DNAH1: variants seen among roughly 807,000 people sequenced by gnomAD.
DNAH1 encodes dynein axonemal heavy chain 1.
Under a neutral mutation model 484.3 loss-of-function variants are expected in DNAH1, and 327 were observed. That is an observed-to-expected ratio of 0.68 (90% confidence interval 0.62 to 0.74). DNAH1 has a LOEUF of 0.74. DNAH1 is among the 30% of genes least tolerant of loss of function. The probability of loss-of-function intolerance (pLI) is 0.00; values close to 1 mark genes in which losing one functional copy is unlikely to be tolerated. For synonymous variants in DNAH1, 2,192 were observed against 2,191.9 expected (o/e 1.00, Z 0.00); for missense variants, 5,052 against 5,546.8 (o/e 0.91, Z 2.83).
In DNAH1 at chr3:52,349,077, C is replaced by G. The variant is rs763470361; in HGVS notation, c.2296C>G (p.Leu766Val). 1.2e-6 allele frequency: 2 copies of G among 1,613,074 alleles called. No individual in the cohort carries two copies. Among genetic ancestry groups the G allele is most frequent in the Admixed American group, 3.3e-5 (2 of 60,034 alleles). Reference protein sequence around the residue: ...ELNNNDIASFLKTYQTQGLLA... With the variant: ...ELNNNDIASFVKTYQTQGLLA... ...GAACAACAATGACATTGCCTCCTTTCTCAAGTGCGTACGTGTGCCCATGCA... is the reference window on the plus strand; with the variant it reads ...GAACAACAATGACATTGCCTCCTTTGTCAAGTGCGTACGTGTGCCCATGCA... The change falls in exon 13 of 78, where the codon CTC (leucine) becomes GTC (valine). Residue 766 changes from leucine to valine, a missense_variant. This residue lies in a region of DNAH1 where 1,263 missense variants were observed against 1,218.8 expected (regional missense o/e 1.04). Transcript: ENST00000420323.
Position 52,366,899 on chromosome 3 carries a change from C to T in DNAH1, c.5765+12C>T. 1.3e-6 allele frequency: 2 copies of T among 1,598,986 alleles called. No homozygotes were observed. Among genetic ancestry groups the T allele is most frequent in the South Asian group, 2.2e-5 (2 of 89,946 alleles). On this transcript the variant is annotated intron_variant, in intron 36 of 77. Coordinates refer to ENST00000420323, the MANE Select transcript of DNAH1 (RefSeq NM_015512.5). ...CTCACCCATGAGTGGTGAGTGACCC[C>T]CCAGCCTCACCGGTGACCCCCTGCT...
rs200747486 is a variant in DNAH1, at chr3:52,391,189, A to G, written c.9752A>G (p.Asn3251Ser). Residue 3251 changes from asparagine (N) to serine (S), a missense_variant, in exon 62 of 78, where the codon AAT becomes AGT. This residue lies in a region of DNAH1 where 2,929 missense variants were observed against 3,409.4 expected (regional missense o/e 0.86). Coordinates refer to ENST00000420323, the MANE Select transcript of DNAH1 (RefSeq NM_015512.5). ...CCCCTTCCCTTACAGGAGAAGGACAATGGGCTGGATGTGTTCAAGTTGAGT... is the reference window on the plus strand; with the variant it reads ...CCCCTTCCCTTACAGGAGAAGGACAGTGGGCTGGATGTGTTCAAGTTGAGT... ...NKWIKNMEKD[N>S]GLDVFKLSDR... 1.8e-5 allele frequency: 29 copies of G among 1,613,898 alleles called. No individual in the cohort carries two copies. In the East Asian group the frequency reaches 2.0e-4, roughly 11 times the overall value.
chr3:52,380,136 G>A lies in DNAH1; in HGVS notation c.7608+1G>A, dbSNP rs1365545849. 6.3e-7 allele frequency: 1 copy of A among 1,586,024 alleles called. No homozygotes were observed. The highest frequency in any genetic ancestry group is 2.3e-5 in the East Asian group (1 of 43,326). The stretch of plus-strand genomic sequence containing the variant: ...CGAGCTCATCACCAGTGAGAGTAAG[G>A]TGAGGGGCCCAGGCAGGCGCCCTGC... On this transcript the variant is annotated splice_donor_variant, in intron 48 of 77. Coordinates refer to ENST00000420323, the MANE Select transcript of DNAH1 (RefSeq NM_015512.5). LOFTEE classifies it high-confidence loss of function.
chr3:52,394,609 G>C lies in DNAH1; in HGVS notation c.10771G>C (p.Val3591Leu), dbSNP rs755963386. ...CTTTTCCTCCTTCTCTTCCGACTTC[G>C]TGAAGCACCTCTCAGAATTCCGGGT... ...PTFSSFSSDF[V>L]KHLSEFRVIF... The change falls in exon 67 of 78, where the codon GTG (valine) becomes CTG (leucine). Residue 3591 changes from valine to leucine, a missense_variant. Val to Leu is a conservative substitution (Grantham distance 32, BLOSUM62 1). Transcript: ENST00000420323. 11 of 1,602,006 alleles carry C rather than the reference G, an allele frequency of 6.9e-6. No homozygotes were observed. In the Admixed American group the frequency reaches 1.9e-4, roughly 27 times the overall value.
chr3:52,399,635 C>T lies in DNAH1; in HGVS notation c.12532C>T (p.Pro4178Ser), dbSNP rs1287686021. The change falls in exon 77 of 78, where the codon CCA (proline) becomes TCA (serine). Residue 4178 changes from proline to serine, a missense_variant. Pro to Ser is a moderately conservative substitution (Grantham distance 74). Coordinates refer to ENST00000420323, the MANE Select transcript of DNAH1 (RefSeq NM_015512.5). Reference protein sequence around the residue: ...GLFLEGARWDPEAFQLAESQP... With the variant: ...GLFLEGARWDSEAFQLAESQP... ...ATTCCTGGAAGGTGCCCGCTGGGATCCAGAGGCCTTCCAGCTGGCTGAGTC... is the reference window on the plus strand; with the variant it reads ...ATTCCTGGAAGGTGCCCGCTGGGATTCAGAGGCCTTCCAGCTGGCTGAGTC... The T allele has an allele frequency of 2.5e-6, 4 of 1,613,862 alleles. No homozygotes were observed. Among genetic ancestry groups the T allele is most frequent in the Admixed American group, 3.3e-5 (2 of 59,994 alleles).
In DNAH1 at chr3:52,358,544, T is replaced by G. The variant is rs752090488; in HGVS notation, c.4087-14T>G. On this transcript the variant is annotated splice_polypyrimidine_tract_variant and intron_variant, in intron 24 of 77. Coordinates refer to ENST00000420323, the MANE Select transcript of DNAH1 (RefSeq NM_015512.5). This position sits in a 1 kb window ranked among gnomAD's most constrained non-coding sequence, Gnocchi z 4.2. ...ACCAGGGTGACCCCACTCCTGCTCCTCCACTGCTTGCAGCTGCTATTCCAG... is the reference window on the plus strand; with the variant it reads ...ACCAGGGTGACCCCACTCCTGCTCCGCCACTGCTTGCAGCTGCTATTCCAG... 2 of 1,596,112 alleles carry G rather than the reference T, an allele frequency of 1.3e-6. No individual in the cohort carries two copies. Among genetic ancestry groups the G allele is most frequent in the Non-Finnish European group, 1.7e-6 (2 of 1,171,778 alleles).
chr3:52,373,081 G>A (rs1484459940), intron 44 of DNAH1, 28 bp downstream of exon 44: 2 of 1,595,544 alleles, frequency 1.3e-6, no homozygotes, highest in Admixed American at 1.7e-5. Flanking sequence ...GGCTCACAGG[G>A]CAAGGGCTAC....
At chr3:52,319,751 A>G (rs1487576268) in intron 1 of DNAH1, among the ~76,000 whole-genome samples, 10 of 152,196 alleles carry the variant, frequency 6.6e-5, no homozygotes, top group Non-Finnish European at 1.5e-4. Flanking sequence ...TCCTGAGTAT[A>G]CTGGTAATGC....
chr3:52,374,012 T>C (rs1374594190), intron 44 of DNAH1: 3 of 1,053,766 alleles, frequency 2.8e-6, no homozygotes, highest in Admixed American at 3.7e-5. Context: ...AGATTTCCAA[T>C]CTAATATAGC....
chr3:52,399,312 T>G (rs1476656966), intron 76 of DNAH1, 111 bp downstream of exon 76: 1 of 1,196,994 alleles, frequency 8.4e-7, no homozygotes, highest in Non-Finnish European at 1.2e-6. Context: ...AGCCAGGGCA[T>G]GGAAAGACCC....
At chr3:52,342,611 G>A (rs1701979481) in intron 8 of DNAH1, among the ~76,000 whole-genome samples, 1 of 152,234 alleles carries the variant, frequency 6.6e-6, no homozygotes, top group African/African-American at 2.4e-5. Flanking sequence ...AGGATCAGGT[G>A]CAGGGGTCAC....
chr3:52,349,806 A>G (rs1223354820), intron 14 of DNAH1, among the ~76,000 whole-genome samples, 183 bp from the exon 15 acceptor site: 1 of 152,158 alleles, frequency 6.6e-6, no homozygotes, highest in African/African-American at 2.4e-5. Context: ...CCCTTGCCCC[A>G]CTGACAGTCC....
Position 52,352,681 on chromosome 3 carries a change from C to T in DNAH1, c.3001C>T (p.Arg1001Cys), listed in dbSNP as rs923937332. Reference sequence around the variant, plus strand: ...GGCCATGCTCTACAACAACCGCGAGCGCATCTTCAGCTTGCCCATCACCAA... The same window carrying T: ...GGCCATGCTCTACAACAACCGCGAGTGCATCTTCAGCTTGCCCATCACCAA... ...QLAMLYNNRE[R>C]IFSLPITNYD... Residue 1001 changes from arginine to cysteine, a missense_variant, in exon 18 of 78, where the codon CGC becomes TGC. Around this residue, in one of 4 missense-constraint regions of DNAH1, gnomAD observed 2,929 missense variants for 3,409.4 expected, o/e 0.86. Transcript: ENST00000420323. 17 of 1,612,530 alleles carry T rather than the reference C, an allele frequency of 1.1e-5. No homozygotes were observed. The highest frequency in any genetic ancestry group is 8.3e-5 in the Admixed American group (5 of 59,918).
At chr3:52,390,657 C>T (rs1704330742) in intron 60 of DNAH1, among the ~76,000 whole-genome samples, 1 of 152,166 alleles carries the variant, frequency 6.6e-6, no homozygotes, top group East Asian at 1.9e-4. Context: ...GCCTTTCTGT[C>T]TGTGGGTTTC....
upstream of DNAH1, among the ~76,000 whole-genome samples, chr3:52,312,018 G>GCAGGCCCTGCCCATCCT (rs1418406304): frequency 1.3e-5 from 2 of 152,230 alleles, no homozygotes; most frequent in African/African-American, 4.8e-5. Flanking sequence ...CCTCCCCAGG[G>GCAGGCCCTGCCCATCCT]CAGGCCCTGC....
chr3:52,373,186 G>A, intron 44 of DNAH1, 133 bp downstream of exon 44: 2 of 1,265,720 alleles, frequency 1.6e-6, no homozygotes, highest in South Asian at 3.3e-5. Context: ...AAAATTAAAG[G>A]GGAGGAGGGG....
chr3:52,385,563 C>T (rs1309689829), intron 54 of DNAH1, 116 bp downstream of exon 54: 3 of 772,274 alleles, frequency 3.9e-6, no homozygotes, highest in Non-Finnish European at 4.3e-6. Flanking sequence ...CCTCCGTGTG[C>T]CCCAGCTTCC....
Position 52,332,341 on chromosome 3 carries a change from G to A in DNAH1, c.1233G>A (p.Leu411=). Residue 411 remains leucine, a synonymous_variant, in exon 8 of 78, where the codon CTG becomes CTA. Coordinates refer to ENST00000420323, the MANE Select transcript of DNAH1 (RefSeq NM_015512.5). ...DGQHVISEQS[L]SKIKQWALST... ...AGCATGTCATCAGTGAACAGAGCCT[G>A]AGCAAGATCAAGCAGTGGGCCCTGA... The A allele has an allele frequency of 6.2e-7, 1 of 1,614,012 alleles. No individual in the cohort carries two copies. Among genetic ancestry groups the A allele is most frequent in the Non-Finnish European group, 8.5e-7 (1 of 1,179,906 alleles).
chr3:52,383,792 C>T lies in DNAH1; in HGVS notation c.8151-68C>T, dbSNP rs376524223. 1.4e-5 allele frequency: 21 copies of T among 1,504,574 alleles called. No individual in the cohort carries two copies. The African/African-American group carries it at 2.4e-4, about 17-fold the overall frequency. The allele number at this position is 1,504,574 out of a possible 1,614,324, so 93.2% of individuals were successfully genotyped here. A position where few individuals can be genotyped will look rare whatever the true frequency, so the allele number is the denominator to read the frequency against. On this transcript the variant is annotated intron_variant, in intron 51 of 77. Transcript: ENST00000420323. Reference sequence around the variant, plus strand: ...CATGCCACAGGGCTGTGCAAGGGCCCTGGGTCCTGGGCTCCTGGGGTCGTT... The same window carrying T: ...CATGCCACAGGGCTGTGCAAGGGCCTTGGGTCCTGGGCTCCTGGGGTCGTT...
Sources: allele counts gnomAD v4.1 joint callset (sites outside exome capture counted in the v4.1 genomes callset), GRCh38; gene constraint gnomAD v4.1.1; regional missense constraint gnomAD v4.1.1; non-coding constraint Gnocchi (gnomAD v3.1); transcripts MANE v1.5; gene names NCBI Gene and HGNC (gene_info 2026-07-23, HGNC 2026-07-21).